Variants in ARHGAP26 observed in about 807,000 individuals in gnomAD.
ARHGAP26 encodes Rho GTPase activating protein 26, also known as rho GTPase-activating protein 26.
ARHGAP26 carries 38 observed loss-of-function variants against 104.8 expected under a neutral mutation model. The observed-to-expected ratio is 0.36, with a 90% CI of 0.28 to 0.48. The LOEUF (loss-of-function observed/expected upper bound fraction) is 0.48, where lower values mean the gene tolerates loss of function less well. Ranked by LOEUF, ARHGAP26 falls within the 20% of genes least tolerant of loss-of-function variation. ARHGAP26 has a pLI of 0.99. For synonymous variants in ARHGAP26, 341 were observed against 340.0 expected (o/e 1.00, Z -0.03); for missense variants, 704 against 947.9 (o/e 0.74, Z 3.38).
intron 1 of ARHGAP26, among the ~76,000 whole-genome samples, chr5:142,785,808 G>A (rs189122652): frequency 3.4e-4 from 52 of 152,198 alleles, no homozygotes; most frequent in Admixed American, 2.1e-3. Flanking sequence ...TGTAGAAAGC[G>A]TGTTTTCTAC....
In ARHGAP26 at chr5:143,031,082, G is replaced by A. The variant is rs115714515; in HGVS notation, c.1145-6114G>A. ...TGTGAGTTGGGAGCCAAAGGCTCCCGTGCGAAATCCACAGTCTGTGCTGGG... is the reference window on the plus strand; with the variant it reads ...TGTGAGTTGGGAGCCAAAGGCTCCCATGCGAAATCCACAGTCTGTGCTGGG... On this transcript the variant is annotated intron_variant, in intron 12 of 22. Coordinates refer to ENST00000645722, the MANE Select transcript of ARHGAP26 (RefSeq NM_001135608.3). Among the ~76,000 whole-genome samples the A allele has an allele frequency of 5.8e-3, 887 of 152,368 alleles. 6 individuals carry two copies. The highest frequency in any genetic ancestry group is 0.017 in the Middle Eastern group (5 of 294).
intron 20 of ARHGAP26, among the ~76,000 whole-genome samples, chr5:143,188,712 T>A (rs144797020): frequency 2.0e-5 from 3 of 152,348 alleles, no homozygotes; most frequent in Admixed American, 6.5e-5. Flanking sequence ...GGGAACTGAA[T>A]GAGCTTGTAC....
At chr5:142,830,221 A>G (rs953656299) in intron 1 of ARHGAP26, among the ~76,000 whole-genome samples, 1 of 152,236 alleles carries the variant, frequency 6.6e-6, no homozygotes, top group Non-Finnish European at 1.5e-5. Flanking sequence ...GGTTTCTTGC[A>G]TGCTCAGGAT....
chr5:142,887,513 GGA>G (rs1474229041), intron 5 of ARHGAP26, among the ~76,000 whole-genome samples: 1 of 152,088 alleles, frequency 6.6e-6, no homozygotes, highest in African/African-American at 2.4e-5. Context: ...TTCTCAAATT[GGA>G]TGCCACTATT....
intron 11 of ARHGAP26, among the ~76,000 whole-genome samples, chr5:143,002,303 C>T (rs1173897180): frequency 1.4e-5 from 2 of 145,146 alleles, no homozygotes; most frequent in Admixed American, 1.4e-4. Flanking sequence ...TTCTCATATG[C>T]AGTTTTCTAA....
chr5:142,918,382 G>C (rs1441494734), intron 10 of ARHGAP26, among the ~76,000 whole-genome samples: 1 of 152,162 alleles, frequency 6.6e-6, no homozygotes, highest in East Asian at 1.9e-4. Flanking sequence ...CCTGACCTCA[G>C]GTGATCCGCC....
At chr5:142,912,614 G>C (rs1761973725) in intron 9 of ARHGAP26, among the ~76,000 whole-genome samples, 1 of 152,180 alleles carries the variant, frequency 6.6e-6, no homozygotes, top group Non-Finnish European at 1.5e-5. Context: ...CTCTTTTCTA[G>C]GATCCAGTTG....
chr5:143,099,311 TG>T (rs1554228311), intron 17 of ARHGAP26, among the ~76,000 whole-genome samples: 1 of 151,936 alleles, frequency 6.6e-6, no homozygotes, highest in Non-Finnish European at 1.5e-5. Flanking sequence ...CCTGGGCAGG[TG>T]GGGGGCACAG....
intron 20 of ARHGAP26, among the ~76,000 whole-genome samples, chr5:143,199,100 C>A (rs1302845967): frequency 6.6e-6 from 1 of 152,172 alleles, no homozygotes; most frequent in Admixed American, 6.5e-5. Context: ...AGAAACCGAA[C>A]TCTGTCATTG....
chr5:142,815,097 T>C (rs1764840061), intron 1 of ARHGAP26, among the ~76,000 whole-genome samples: 1 of 152,134 alleles, frequency 6.6e-6, no homozygotes, highest in African/African-American at 2.4e-5. Context: ...GCCTCCCGGG[T>C]TCAAGGGATT....
At chr5:142,801,613 T>G (rs1014346577) in intron 1 of ARHGAP26, among the ~76,000 whole-genome samples, 38 of 134,836 alleles carry the variant, frequency 2.8e-4, no homozygotes, top group Admixed American at 5.1e-4. Flanking sequence ...TAGTAGAGGG[T>G]TTTTTTTTTT....
chr5:142,913,973 C>T (rs543404336), intron 10 of ARHGAP26, among the ~76,000 whole-genome samples: 34 of 152,334 alleles, frequency 2.2e-4, no homozygotes, highest in East Asian at 3.9e-4. Flanking sequence ...ATGAAACCCA[C>T]GTGTTAAGCT....
intron 12 of ARHGAP26, among the ~76,000 whole-genome samples, chr5:143,032,760 T>C (rs539980941): frequency 6.6e-6 from 1 of 152,284 alleles, no homozygotes; most frequent in African/African-American, 2.4e-5. Context: ...ATAAAACCGT[T>C]GTTAATTATT....
At chr5:142,916,539 A>G (rs1278878332) in intron 10 of ARHGAP26, among the ~76,000 whole-genome samples, 2 of 152,216 alleles carry the variant, frequency 1.3e-5, no homozygotes, top group Non-Finnish European at 2.9e-5. Flanking sequence ...GTTAAATACA[A>G]TGTGTTTCAC....
chr5:142,876,602 A>T (rs141857508), intron 3 of ARHGAP26, among the ~76,000 whole-genome samples: 1 of 150,668 alleles, frequency 6.6e-6, no homozygotes, highest in East Asian at 2.0e-4. Flanking sequence ...ACATAGTGAG[A>T]CCCCATCTCA....
At chr5:143,178,563 C>G (rs1188684795) in intron 20 of ARHGAP26, among the ~76,000 whole-genome samples, 1 of 152,352 alleles carries the variant, frequency 6.6e-6, no homozygotes, top group East Asian at 1.9e-4. Flanking sequence ...CCCTGCTGCC[C>G]TGCCCCTTGA....
rs1811415643 is a variant in ARHGAP26 at position 143,223,296 on chromosome 5, A to G, written c.*850A>G. ...ACAACTTGAAGCACAGGATCAAGGA[A>G]TTAGGGTGGTCTACTTGAGGCAGAT... On this transcript the variant is annotated 3_prime_UTR_variant, in exon 23 of 23. Transcript: ENST00000645722. 4.3e-6 allele frequency: 1 copy of G among 232,882 alleles called. No homozygotes were observed. Among genetic ancestry groups the G allele is most frequent in the African/African-American group, 2.2e-5 (1 of 45,314 alleles). The allele number at this position is 232,882 out of a possible 1,614,324, so 14.4% of individuals were successfully genotyped here. A position where few individuals can be genotyped will look rare whatever the true frequency, so the allele number is the denominator to read the frequency against.
chr5:142,934,950 T>C (rs76062669), intron 11 of ARHGAP26, among the ~76,000 whole-genome samples: 3 of 152,208 alleles, frequency 2.0e-5, no homozygotes, highest in Non-Finnish European at 2.9e-5. Context: ...CATACTTTTT[T>C]AATACACAGT....
At chr5:142,895,508 G>T (rs544101351) in intron 6 of ARHGAP26, among the ~76,000 whole-genome samples, 2 of 152,162 alleles carry the variant, frequency 1.3e-5, no homozygotes, top group Non-Finnish European at 2.9e-5. Flanking sequence ...GGGATTACAG[G>T]CATGAGCCAG....
Sources: allele counts gnomAD v4.1 joint callset (sites outside exome capture counted in the v4.1 genomes callset), GRCh38; gene constraint gnomAD v4.1.1; transcripts MANE v1.5; gene names NCBI Gene and HGNC (gene_info 2026-07-23, HGNC 2026-07-21).